GPHN: variants seen among roughly 807,000 people sequenced by gnomAD.
GPHN encodes gephyrin.
In GPHN, 17 loss-of-function variants were observed where a neutral mutation model predicts 95.5. That is an observed-to-expected ratio of 0.18 (90% confidence interval 0.12 to 0.27). The LOEUF is 0.27. GPHN is among the 10% of genes least tolerant of loss of function. GPHN has a pLI of 1.00. For synonymous variants in GPHN, 320 were observed against 322.5 expected, an observed-to-expected ratio of 0.99 and a Z score of 0.08; for missense variants, 660 against 978.1, an observed-to-expected ratio of 0.67 and a Z score of 4.34.
At chr14:67,144,287 A>ATATATATATATATG (rs1331173986) in intron 18 of GPHN, among the ~76,000 whole-genome samples, 1 of 113,310 alleles carries the variant, frequency 8.8e-6, no homozygotes. Context: ...ATATATATAT[A>ATATATATATATATG]CACACACACA....
intron 1 of GPHN, among the ~76,000 whole-genome samples, chr14:66,543,631 C>A (rs1594891756): frequency 6.6e-6 from 1 of 152,214 alleles, no homozygotes; most frequent in Non-Finnish European, 1.5e-5. Flanking sequence ...CTGCCTAACA[C>A]TTGCTCTTCC....
At chr14:67,124,570 TGAGAA>T (rs1373434810) in intron 17 of GPHN, among the ~76,000 whole-genome samples, 1 of 152,160 alleles carries the variant, frequency 6.6e-6, no homozygotes, top group Non-Finnish European at 1.5e-5. Flanking sequence ...AATCAACTTC[TGAGAA>T]GAGAAGTGAT....
the GPHN span, among the ~76,000 whole-genome samples, chr14:67,637,208 G>A: frequency 6.6e-6 from 1 of 151,904 alleles, no homozygotes; most frequent in Non-Finnish European, 1.5e-5. Flanking sequence ...TCAGGAGTTC[G>A]AGACCAGCCT....
the GPHN span, chr14:67,571,464 C>T: frequency 1.2e-5 from 4 of 344,728 alleles, no homozygotes; most frequent in Non-Finnish European, 2.2e-5. Flanking sequence ...GCTTTCTGGC[C>T]CCCTAGTGGC....
At chr14:67,267,251 A>ATTAT in the GPHN span, among the ~76,000 whole-genome samples, 18 of 152,024 alleles carry the variant, frequency 1.2e-4, no homozygotes, top group Non-Finnish European at 1.5e-4. Context: ...ATTAAAATTC[A>ATTAT]TTATTTATTT....
the GPHN span, among the ~76,000 whole-genome samples, chr14:67,355,310 AT>A: frequency 7.2e-5 from 11 of 151,738 alleles, no homozygotes; most frequent in Admixed American, 6.6e-5. Context: ...CCTTGTTTCA[AT>A]TTTTTTCCCC....
At chr14:67,009,031 T>C (rs889435120) in intron 9 of GPHN, among the ~76,000 whole-genome samples, 24 of 152,200 alleles carry the variant, frequency 1.6e-4, no homozygotes, top group Admixed American at 6.5e-4. Context: ...CCATTACTTA[T>C]TACCTCATTT....
At chr14:67,707,075 G>A in the GPHN span, among the ~76,000 whole-genome samples, 1 of 152,200 alleles carries the variant, frequency 6.6e-6, no homozygotes, top group East Asian at 1.9e-4. Context: ...ATAGGTTGCT[G>A]TTATTTTCTT....
intron 4 of GPHN, among the ~76,000 whole-genome samples, chr14:66,874,167 A>G (rs2063556873): frequency 6.6e-6 from 1 of 152,236 alleles, no homozygotes; most frequent in Non-Finnish European, 1.5e-5. Flanking sequence ...GAGAGGCCTG[A>G]CTGTTAGAAG....
At chr14:66,695,090 C>T (rs867160365) in intron 2 of GPHN, among the ~76,000 whole-genome samples, 7 of 152,006 alleles carry the variant, frequency 4.6e-5, no homozygotes, top group Middle Eastern at 3.4e-3. Context: ...ACCCAGGAGG[C>T]GGAGGTTTCA....
chr14:67,595,774 C>A, the GPHN span, among the ~76,000 whole-genome samples: 640 of 152,206 alleles, frequency 4.2e-3, 41 homozygotes, highest in East Asian at 0.11. Context: ...GGTGGAAGTG[C>A]AGTTTCTGCA....
chr14:67,555,571 C>T, the GPHN span, among the ~76,000 whole-genome samples: 1 of 152,178 alleles, frequency 6.6e-6, no homozygotes, highest in African/African-American at 2.4e-5. Flanking sequence ...TCCATCAGGA[C>T]AAAAGAGCTG....
the GPHN span, among the ~76,000 whole-genome samples, chr14:67,504,245 C>T: frequency 7.3e-5 from 11 of 151,120 alleles, no homozygotes; most frequent in South Asian, 1.7e-3. Context: ...GACTTCTGAC[C>T]TCAAGTGATG....
rs894918904 is a variant in GPHN at position 66,837,316 on chromosome 14, C to T, written c.294+12750C>T. Among the ~76,000 whole-genome samples the T allele has an allele frequency of 2.7e-3, 399 of 149,736 alleles. 8 individuals are homozygous for T. The highest frequency in any genetic ancestry group is 9.3e-3 in the African/African-American group (376 of 40,258). ...GTAGGGACATGGATGAAATTGGGAA[C>T]CATCATTCTCAGTAAACTATCGCAA... On this transcript the variant is annotated intron_variant, in intron 4 of 22. Coordinates refer to ENST00000478722, the MANE Select transcript of GPHN (RefSeq NM_020806.5).
intron 1 of GPHN, among the ~76,000 whole-genome samples, chr14:66,518,330 A>C (rs2058337049): frequency 6.6e-6 from 1 of 152,058 alleles, no homozygotes; most frequent in African/African-American, 2.4e-5. Flanking sequence ...CAAAAAGACA[A>C]AGAATGACAA....
At chr14:67,084,884 A>G (rs2076825569) in intron 11 of GPHN, among the ~76,000 whole-genome samples, 1 of 152,258 alleles carries the variant, frequency 6.6e-6, no homozygotes, top group Non-Finnish European at 1.5e-5. Flanking sequence ...AATGTTTAAG[A>G]TGTGACAAAT....
chr14:67,076,149 G>T (rs1012752346), intron 11 of GPHN, among the ~76,000 whole-genome samples: 1 of 152,090 alleles, frequency 6.6e-6, no homozygotes, highest in African/African-American at 2.4e-5. Context: ...CTACCACCCA[G>T]ATCAGTCAGC....
chr14:67,374,289 A>G, the GPHN span, among the ~76,000 whole-genome samples: 49 of 152,282 alleles, frequency 3.2e-4, no homozygotes, highest in African/African-American at 9.4e-4. Context: ...TTTGGTCCCA[A>G]GCATTTCTGA....
chr14:66,909,176 T>A (rs1192334127), intron 5 of GPHN, among the ~76,000 whole-genome samples: 1 of 152,124 alleles, frequency 6.6e-6, no homozygotes, highest in Non-Finnish European at 1.5e-5. Context: ...TGCATTTTTC[T>A]GTAAATCCAA....
Sources: gnomAD v4.1 joint callset for allele counts (sites outside exome capture counted in the v4.1 genomes callset) on GRCh38, gnomAD v4.1.1 for gene constraint, MANE v1.5 for transcripts, NCBI Gene and HGNC (gene_info 2026-07-23, HGNC 2026-07-21) for gene names.